HPD: variants seen among roughly 807,000 people sequenced by gnomAD.
The protein encoded by HPD is 4-hydroxyphenylpyruvic acid oxidase.
In HPD, 35 loss-of-function variants were observed where a neutral mutation model predicts 56.9. The observed-to-expected ratio is 0.62, with a 90% CI of 0.47 to 0.82. HPD has a LOEUF of 0.82. Ranked by LOEUF, HPD falls within the 40% of genes least tolerant of loss-of-function variation. The pLI is 0.00. For synonymous variants in HPD, 186 were observed against 200.2 expected (o/e 0.93, Z 0.60); for missense variants, 442 against 506.8 (o/e 0.87, Z 1.23).
At chr12:121,874,494 T>C in the HPD span, among the ~76,000 whole-genome samples, 1 of 151,862 alleles carries the variant, frequency 6.6e-6, no homozygotes, top group Non-Finnish European at 1.5e-5. Flanking sequence ...GGCGGGCGCC[T>C]GTAATCCCAG....
At position 121,843,793 on chromosome 12, in the gene HPD, C is replaced by T. The variant is rs1414678680; in HGVS notation, c.871G>A (p.Val291Ile). Reference sequence around the variant, plus strand: ...AGTTGTTTGTAGTACGTGGAGGGAACAGATAAGAACTCCAGGCCTCTCTCT... The same window carrying T: ...AGTTGTTTGTAGTACGTGGAGGGAATAGATAAGAACTCCAGGCCTCTCTCT... Reference protein sequence around the residue: ...LRERGLEFLSVPSTYYKQLRE... With the variant: ...LRERGLEFLSIPSTYYKQLRE... The change falls in exon 12 of 14, where the codon GTT becomes ATT. Residue 291 changes from valine (V) to isoleucine (I), a missense_variant. By Grantham distance (29) the Val-to-Ile change is conservative. Transcript: ENST00000289004. 6.2e-7 allele frequency: 1 copy of T among 1,613,920 alleles called. No homozygotes were observed. Among genetic ancestry groups the T allele is most frequent in the Non-Finnish European group, 8.5e-7 (1 of 1,179,976 alleles).
At chr12:121,867,003 A>G (rs181277962), upstream of HPD, among the ~76,000 whole-genome samples, 3 of 152,228 alleles carry the variant, frequency 2.0e-5, no homozygotes, top group African/African-American at 7.2e-5. Flanking sequence ...AGAATGTCAT[A>G]TAAATGAATC....
the HPD span, among the ~76,000 whole-genome samples, chr12:121,880,874 A>G: frequency 2.0e-5 from 3 of 152,170 alleles, no homozygotes; most frequent in African/African-American, 7.2e-5. Context: ...AGCTCACTGC[A>G]ACCACTGCCT....
chr12:121,865,451 G>A (rs1878301145), upstream of HPD, among the ~76,000 whole-genome samples: 1 of 150,728 alleles, frequency 6.6e-6, no homozygotes. Context: ...TGTATTTTTA[G>A]TAGAGATGGG....
At chr12:121,847,469 C>T (rs1344719698) in intron 9 of HPD, among the ~76,000 whole-genome samples, 5 of 152,168 alleles carry the variant, frequency 3.3e-5, no homozygotes, top group Non-Finnish European at 7.3e-5. Flanking sequence ...ATTGCTCCTC[C>T]CACCTCAGCT....
rs1476534141 is a variant in HPD, at chr12:121,843,765, C to T, written c.899G>A (p.Arg300Gln). ...SVPSTYYKQL[R>Q]EKLKTAKIKV... ...GATCTTGGCCGTCTTCAGCTTCTCC[C>T]GCAGTTGTTTGTAGTACGTGGAGGG... The change falls in exon 12 of 14, where the codon CGG (arginine) becomes CAG (glutamine). Residue 300 changes from arginine to glutamine, a missense_variant. Transcript: ENST00000289004. 14 of 1,613,994 alleles carry T rather than the reference C, an allele frequency of 8.7e-6. No homozygotes were observed. The highest frequency in any genetic ancestry group is 2.7e-5 in the African/African-American group (2 of 74,912).
At chr12:121,841,384 G>A (rs1356750874) in intron 12 of HPD, among the ~76,000 whole-genome samples, 1 of 151,976 alleles carries the variant, frequency 6.6e-6, no homozygotes, top group Non-Finnish European at 1.5e-5. Flanking sequence ...CAAACAAAAG[G>A]GAACATGGAA....
chr12:121,868,150 C>T (rs1424631489), upstream of HPD, among the ~76,000 whole-genome samples: 1 of 152,152 alleles, frequency 6.6e-6, no homozygotes, highest in East Asian at 1.9e-4. Flanking sequence ...TCACTGCACT[C>T]CAGCCTGGGT....
At chr12:121,870,266 C>A in the HPD span, among the ~76,000 whole-genome samples, 29 of 152,216 alleles carry the variant, frequency 1.9e-4, no homozygotes, top group Non-Finnish European at 1.9e-4. Flanking sequence ...TAAGCACATT[C>A]CATGCTCTGC....
chr12:121,881,341 T>C, the HPD span, among the ~76,000 whole-genome samples: 57 of 152,296 alleles, frequency 3.7e-4, 1 homozygote, highest in South Asian at 2.9e-3. Flanking sequence ...CCCTTCTCTG[T>C]GCCCCAAGCC....
intron 9 of HPD, 134 bp from the exon 10 acceptor site, chr12:121,847,348 A>G: frequency 1.3e-6 from 1 of 786,166 alleles, no homozygotes; most frequent in East Asian, 2.7e-5. Flanking sequence ...TACCCATCAG[A>G]GATTTAGATC....
At chr12:121,882,836 G>C in the HPD span, among the ~76,000 whole-genome samples, 1 of 152,096 alleles carries the variant, frequency 6.6e-6, no homozygotes, top group African/African-American at 2.4e-5. Flanking sequence ...CTGCCTCCCA[G>C]CTTCTCCTGC....
chr12:121,841,902 C>T (rs1179698063), intron 12 of HPD, among the ~76,000 whole-genome samples: 2 of 152,076 alleles, frequency 1.3e-5, no homozygotes, highest in Admixed American at 1.3e-4. Flanking sequence ...CCAGGCTGGT[C>T]TTGAACTCCT....
intron 2 of HPD, 148 bp downstream of exon 2, chr12:121,858,539 C>G: frequency 1.2e-6 from 1 of 835,540 alleles, no homozygotes; most frequent in Non-Finnish European, 2.0e-6. Flanking sequence ...TCGGGGAGCC[C>G]CGGGGGTAAA....
At chr12:121,854,583 G>A in intron 7 of HPD, 120 bp downstream of exon 7, 1 of 801,326 alleles carries the variant, frequency 1.2e-6, no homozygotes, top group Non-Finnish European at 2.2e-6. Context: ...ACAGACTTGA[G>A]GGACAATGTC....
intron 7 of HPD, among the ~76,000 whole-genome samples, chr12:121,854,235 G>A (rs747473691): frequency 1.3e-5 from 2 of 152,134 alleles, no homozygotes; most frequent in Non-Finnish European, 2.9e-5. Context: ...CAGCCTGGGC[G>A]ACAGAGCGAG....
At chr12:121,857,570 G>A in intron 3 of HPD, 138 bp from the exon 4 acceptor site, 1 of 830,608 alleles carries the variant, frequency 1.2e-6, no homozygotes, top group Non-Finnish European at 2.1e-6. Context: ...AAGATAGACT[G>A]CTGCCTGCAC....
rs1348377085 is a variant in HPD at position 121,847,221 on chromosome 12, G to A, written c.597-7C>T. ...CTGCAGGTTTTTCAGGTACCTGTAGGGTGGGCGGTGGAACACATATGCTCT... is the reference window on the plus strand; with the variant it reads ...CTGCAGGTTTTTCAGGTACCTGTAGAGTGGGCGGTGGAACACATATGCTCT... On this transcript the variant is annotated splice_polypyrimidine_tract_variant and splice_region_variant and intron_variant, in intron 9 of 13. Transcript: ENST00000289004. 3.7e-6 allele frequency: 6 copies of A among 1,613,938 alleles called. No homozygotes were observed. Among genetic ancestry groups the A allele is most frequent in the African/African-American group, 1.3e-5 (1 of 74,922 alleles).
In HPD at chr12:121,839,987, G is replaced by T; in HGVS notation, c.1016C>A (p.Pro339Gln). 5 of 1,614,020 alleles carry T rather than the reference G, an allele frequency of 3.1e-6. No homozygotes were observed. Among genetic ancestry groups the T allele is most frequent in the Non-Finnish European group, 4.2e-6 (5 of 1,179,952 alleles). Residue 339 changes from proline (P) to glutamine (Q), a missense_variant, in exon 13 of 14, where the codon CCG (proline) becomes CAG (glutamine). Physicochemically the swap from Pro to Gln is moderately conservative, Grantham distance 76. Coordinates refer to ENST00000289004, the MANE Select transcript of HPD (RefSeq NM_002150.3). ...GAAGAGCGTGGGCCGGTCCTGCACC[G>T]GTTTGGTGAAGATCTGCAGGAGGTA... ...KGYLLQIFTK[P>Q]VQDRPTLFLE...
Sources: gnomAD v4.1 joint callset for allele counts (sites outside exome capture counted in the v4.1 genomes callset) on GRCh38, gnomAD v4.1.1 for gene constraint, MANE v1.5 for transcripts, NCBI Gene and HGNC (gene_info 2026-07-23, HGNC 2026-07-21) for gene names.